Variants in KIFBP observed in about 807,000 individuals in gnomAD.
KIFBP encodes the protein kinesin family binding protein.
In KIFBP, 46 loss-of-function variants were observed where a neutral mutation model predicts 58.9. The observed-to-expected ratio is 0.78, with a 90% confidence interval of 0.62 to 1.00. KIFBP has a LOEUF of 1.00. Among genes scored for constraint, KIFBP ranks in the 50% least tolerant of loss-of-function variants. KIFBP has a pLI of 0.00. For synonymous variants in KIFBP, 241 were observed against 283.4 expected (o/e 0.85, Z 1.50); for missense variants, 651 against 752.9 (o/e 0.86, Z 1.58).
rs997568919 is a variant in KIFBP at position 69,006,098 on chromosome 10, A to G, written c.789+183A>G. 4 of 596,150 alleles carry G rather than the reference A, an allele frequency of 6.7e-6. No individual in the cohort carries two copies. In the African/African-American group the frequency reaches 7.4e-5, roughly 11 times the overall value. 36.9% of individuals were successfully genotyped at this position (596,150 alleles called of 1,614,324 possible). A position where few individuals can be genotyped will look rare whatever the true frequency, so the allele number is the denominator to read the frequency against. On this transcript the variant is annotated intron_variant, in intron 4 of 6. Coordinates refer to ENST00000361983, the MANE Select transcript of KIFBP (RefSeq NM_015634.4). Reference sequence around the variant, plus strand: ...AAATTTTGTAGCTTTTTGTTGTATGAATTATTTTGAGTTTTAAAATACCGA... The same window carrying G: ...AAATTTTGTAGCTTTTTGTTGTATGGATTATTTTGAGTTTTAAAATACCGA...
rs1261615623 is a variant in KIFBP at position 69,016,494 on chromosome 10, G to C, written c.*78G>C. The C allele has an allele frequency of 2.1e-6, 3 of 1,451,532 alleles. No individual in the cohort carries two copies. In the Admixed American group the frequency reaches 5.1e-5, roughly 25 times the overall value. The allele number at this position is 1,451,532 out of a possible 1,614,324, so 89.9% of individuals were successfully genotyped here. A position where few individuals can be genotyped will look rare whatever the true frequency, so the allele number is the denominator to read the frequency against. On this transcript the variant is annotated 3_prime_UTR_variant, in exon 7 of 7. Coordinates refer to ENST00000361983, the MANE Select transcript of KIFBP (RefSeq NM_015634.4). ...AGTCAGACAGGCCCAATTCCATTGTGATGTTTACCTTTATAGCCAGGTGAG... is the reference window on the plus strand; with the variant it reads ...AGTCAGACAGGCCCAATTCCATTGTCATGTTTACCTTTATAGCCAGGTGAG...
In KIFBP at chr10:68,988,972, A is replaced by G. The variant is rs1843308860; in HGVS notation, c.140A>G (p.Lys47Arg). ...YSARALLEEV[K>R]ALLGPAPEDE... Reference sequence around the variant, plus strand: ...GCCCGGGCGCTACTGGAAGAGGTCAAGGCGCTGCTCGGCCCTGCGCCTGAG... The same window carrying G: ...GCCCGGGCGCTACTGGAAGAGGTCAGGGCGCTGCTCGGCCCTGCGCCTGAG... Residue 47 changes from lysine (K) to arginine (R), a missense_variant, in exon 1 of 7, where the codon AAG (lysine) becomes AGG (arginine). Physicochemically the swap from Lys to Arg is conservative, Grantham distance 26 (BLOSUM62 2). Transcript: ENST00000361983. 1.2e-6 allele frequency: 2 copies of G among 1,614,234 alleles called. No homozygotes were observed. The highest frequency in any genetic ancestry group is 1.7e-6 in the Non-Finnish European group (2 of 1,180,036).
At position 68,994,360 on chromosome 10, in the gene KIFBP, A is replaced by AT. The variant is rs202119778; in HGVS notation, c.426+5103dup. Reference sequence around the variant, plus strand: ...GGAAGAGTTTTGCAAGTATCAGTTAATGGGAATTCATGATATTCTAACTGC... The same window carrying AT: ...GGAAGAGTTTTGCAAGTATCAGTTAATTGGGAATTCATGATATTCTAACTGC... On this transcript the variant is annotated intron_variant, in intron 1 of 6. Transcript: ENST00000361983. Among the ~76,000 whole-genome samples the AT allele has an allele frequency of 7.9e-3, 1,200 of 152,274 alleles. 20 individuals are homozygous for AT. The highest frequency in any genetic ancestry group is 0.027 in the African/African-American group (1,124 of 41,550).
Position 68,989,065 on chromosome 10 carries a change from C to G in KIFBP, c.233C>G (p.Ala78Gly), listed in dbSNP as rs1761478856. ...GAGDHALGLP[A>G]EVVEPEGPVA... is the part of the protein sequence containing the mutation. ...GGTGACCACGCCCTGGGGCTGCCGG[C>G]TGAGGTGGTGGAGCCCGAGGGGCCC... The change falls in exon 1 of 7, where the codon GCT becomes GGT. Residue 78 changes from alanine (A) to glycine (G), a missense_variant. Physicochemically the swap from Ala to Gly is moderately conservative, Grantham distance 60. Transcript: ENST00000361983. 6 of 1,612,520 alleles carry G rather than the reference C, an allele frequency of 3.7e-6. No homozygotes were observed. Among genetic ancestry groups the G allele is most frequent in the Non-Finnish European group, 5.1e-6 (6 of 1,179,004 alleles).
At chr10:69,014,712 A>AGACGGAGTCTCGC (rs1838966236) in intron 6 of KIFBP, among the ~76,000 whole-genome samples, 1 of 133,690 alleles carries the variant, frequency 7.5e-6, no homozygotes, top group African/African-American at 2.9e-5. Flanking sequence ...TTCTTTTTTT[A>AGACGGAGTCTCGC]TTTGCCCCCC....
intron 1 of KIFBP, among the ~76,000 whole-genome samples, chr10:68,990,912 A>AGTCCCAGCTACTCGGGAGGCTGAGGC: frequency 6.6e-6 from 1 of 152,188 alleles, no homozygotes; most frequent in East Asian, 1.9e-4. Context: ...TAAAAATAAT[A>AGTCCCAGCTACTCGGGAGGCTGAGGC]ATTTATATTA....
At chr10:69,010,759 T>C (rs1001417784) in intron 5 of KIFBP, 141 bp from the exon 6 acceptor site, 1 of 667,946 alleles carries the variant, frequency 1.5e-6, no homozygotes, top group Non-Finnish European at 2.7e-6. Context: ...GGGATCTTTC[T>C]TCCCTTTTCC....
chr10:69,013,569 A>G (rs558298073), intron 6 of KIFBP, among the ~76,000 whole-genome samples: 1 of 152,224 alleles, frequency 6.6e-6, no homozygotes, highest in South Asian at 2.1e-4. Context: ...AGAAGGAAGG[A>G]AGTATACAAG....
At chr10:69,007,251 A>AT (rs1843545320) in intron 4 of KIFBP, among the ~76,000 whole-genome samples, 1 of 152,106 alleles carries the variant, frequency 6.6e-6, no homozygotes, top group African/African-American at 2.4e-5. Flanking sequence ...CTGCACTTTT[A>AT]TTTTTTTACC....
chr10:69,006,725 TC>T (rs1176486997), intron 4 of KIFBP: 5 of 152,236 alleles, frequency 3.3e-5, no homozygotes, highest in Admixed American at 3.3e-4. Context: ...TTATCAGAGT[TC>T]CTTCTTTCAT....
chr10:69,007,456 G>A (rs1173855920), intron 4 of KIFBP, among the ~76,000 whole-genome samples: 2 of 152,140 alleles, frequency 1.3e-5, no homozygotes, highest in Non-Finnish European at 2.9e-5. Context: ...CACCTAGAGG[G>A]CATAAGACAC....
chr10:69,004,175 G>A (rs1322161220), intron 2 of KIFBP, among the ~76,000 whole-genome samples: 6 of 139,086 alleles, frequency 4.3e-5, no homozygotes, highest in South Asian at 2.3e-4. Flanking sequence ...AGCCGAGATC[G>A]CACCACTGCA....
rs1309314337 is a variant in KIFBP at position 69,016,341 on chromosome 10, A to G, written c.1791A>G (p.Leu597=). The change falls in exon 7 of 7, where the codon CTA becomes CTG. Residue 597 remains leucine, a synonymous_variant. Transcript: ENST00000361983. ...PEAAQEIEVE[L]ELSKEMVSLL... ...CCGCCCAGGAAATAGAAGTTGAGCT[A>G]GAACTTAGTAAAGAGATGGTTAGTC... is the stretch of plus-strand genomic sequence containing the variant. 1 of 1,613,384 alleles carries G rather than the reference A, an allele frequency of 6.2e-7. No homozygotes were observed. The highest frequency in any genetic ancestry group is 8.5e-7 in the Non-Finnish European group (1 of 1,179,750).
chr10:68,990,230 G>C (rs1387391235), intron 1 of KIFBP, among the ~76,000 whole-genome samples: 1 of 151,968 alleles, frequency 6.6e-6, no homozygotes, highest in Non-Finnish European at 1.5e-5. Flanking sequence ...ATGGTACTTG[G>C]TTTCTTAAAT....
At chr10:69,008,391 A>AATAATATATATATATAT in intron 4 of KIFBP, among the ~76,000 whole-genome samples, 1 of 71,592 alleles carries the variant, frequency 1.4e-5, no homozygotes, top group African/African-American at 7.8e-5. Flanking sequence ...AAAAAAAAAA[A>AATAATATATATATATAT]ATATATATAT....
At position 68,995,843 on chromosome 10, in the gene KIFBP, T is replaced by A. The variant is rs373476597; in HGVS notation, c.427-4581T>A. The stretch of plus-strand genomic sequence containing the variant: ...TGTAGCTTTTCTACCCTTAGTAGGA[T>A]TTATATTGTATTTAAAGAATAATTC... On this transcript the variant is annotated intron_variant, in intron 1 of 6. Coordinates refer to ENST00000361983, the MANE Select transcript of KIFBP (RefSeq NM_015634.4). Among the ~76,000 whole-genome samples, 13 of 152,294 alleles carry A rather than the reference T, an allele frequency of 8.5e-5. No individual in the cohort carries two copies. In the East Asian group the frequency reaches 1.3e-3, roughly 16 times the overall value.
At chr10:69,006,825 A>G (rs1304217427) in intron 4 of KIFBP, 1 of 152,174 alleles carries the variant, frequency 6.6e-6, no homozygotes, top group African/African-American at 2.4e-5. Context: ...CCCGATGATT[A>G]AAGTATTGTC....
chr10:69,015,943 T>G lies in KIFBP; in HGVS notation c.1393T>G (p.Tyr465Asp), dbSNP rs774102690. ...EPLTVDLNPQ[Y>D]YLLVNRQIQF... is the part of the protein sequence containing the mutation. ...CCTAACTGTAGACCTGAATCCACAG[T>G]ATTATCTGTTGGTCAACAGACAGAT... Residue 465 changes from tyrosine (Y) to aspartate (D), a missense_variant, in exon 7 of 7, where the codon TAT (tyrosine) becomes GAT (aspartate). Tyr to Asp is a radical substitution (Grantham distance 160). Coordinates refer to ENST00000361983, the MANE Select transcript of KIFBP (RefSeq NM_015634.4). The G allele has an allele frequency of 4.3e-6, 7 of 1,614,184 alleles. No homozygotes were observed. The highest frequency in any genetic ancestry group is 5.9e-6 in the Non-Finnish European group (7 of 1,180,040).
At chr10:68,997,573 A>G (rs543896003) in intron 1 of KIFBP, among the ~76,000 whole-genome samples, 137 of 152,060 alleles carry the variant, frequency 9.0e-4, no homozygotes, top group East Asian at 2.3e-3. Context: ...TGACCCAATT[A>G]AACCTCTTTT....
Sources: allele counts gnomAD v4.1 joint callset (sites outside exome capture counted in the v4.1 genomes callset), GRCh38; gene constraint gnomAD v4.1.1; transcripts MANE v1.5; gene names NCBI Gene and HGNC (gene_info 2026-07-23, HGNC 2026-07-21).